PATJ: variants seen among roughly 807,000 people sequenced by gnomAD.
PATJ encodes the protein inaD-like protein.
Under a neutral mutation model 224.9 loss-of-function variants are expected in PATJ, and 190 were observed. The observed-to-expected ratio is 0.84, with a 90% CI of 0.75 to 0.95. The LOEUF (loss-of-function observed/expected upper bound fraction) is 0.95. Ranked by LOEUF, PATJ falls within the 40% of genes least tolerant of loss-of-function variation. The pLI is 0.00. For synonymous variants in PATJ, 769 were observed against 820.3 expected (o/e 0.94, Z 1.07); for missense variants, 2,121 against 2,270.3 (o/e 0.93, Z 1.34).
chr1:61,746,200 C>T (rs1332269204), intron 1 of PATJ, among the ~76,000 whole-genome samples: 1 of 152,136 alleles, frequency 6.6e-6, no homozygotes, highest in Non-Finnish European at 1.5e-5. Flanking sequence ...ACTTGGCCTC[C>T]CAAAGTGCCA....
chr1:62,062,242 C>T lies in PATJ; in HGVS notation c.4125+11184C>T, dbSNP rs1423180975. ...TATAAGAGTTCTTTTGTCTCCATAG[C>T]CTCACTAACATCTGTTTTTTTTTAT... is the stretch of plus-strand genomic sequence containing the variant. On this transcript the variant is annotated intron_variant, in intron 31 of 43. Coordinates refer to ENST00000642238, the MANE Select transcript of PATJ (RefSeq NM_001350145.3). Among the ~76,000 whole-genome samples, 5 of 151,574 alleles carry T rather than the reference C, an allele frequency of 3.3e-5. No homozygotes were observed. The East Asian group carries it at 9.6e-4, about 29-fold the overall frequency.
intron 31 of PATJ, among the ~76,000 whole-genome samples, chr1:62,065,201 A>G (rs1251798383): frequency 1.3e-5 from 2 of 152,140 alleles, no homozygotes; most frequent in Non-Finnish European, 1.5e-5. Context: ...TTTTTCTTCT[A>G]TTCTCTTCCT....
chr1:61,954,891 C>G lies in PATJ; in HGVS notation c.3670+27062C>G, dbSNP rs1571487135. 2.6e-5 allele frequency among the ~76,000 whole-genome samples: 4 copies of G among 151,914 alleles called. No homozygotes were observed. The Middle Eastern group carries it at 0.014, about 517-fold the overall frequency. On this transcript the variant is annotated intron_variant, in intron 27 of 43. Coordinates refer to ENST00000642238, the MANE Select transcript of PATJ (RefSeq NM_001350145.3). ...GCCTCAGCCTTCTGAGTAGCTGGGACTACAGGTGCCTGCCACCACGCCCGG... is the reference window on the plus strand; with the variant it reads ...GCCTCAGCCTTCTGAGTAGCTGGGAGTACAGGTGCCTGCCACCACGCCCGG...
At position 61,889,508 on chromosome 1, in the gene PATJ, T is replaced by A. The variant is rs535412281; in HGVS notation, c.3131+5100T>A. ...ACCACAGACAGTACCAAGCCCTATA[T>A]ATACTGTCTTTTCTGTACGTACATA... On this transcript the variant is annotated intron_variant, in intron 22 of 43. Coordinates refer to ENST00000642238, the MANE Select transcript of PATJ (RefSeq NM_001350145.3). Among the ~76,000 whole-genome samples the A allele has an allele frequency of 2.6e-5, 4 of 152,340 alleles. No homozygotes were observed. The South Asian group carries it at 6.2e-4, about 24-fold the overall frequency.
chr1:61,753,829 G>A (rs535666125), intron 1 of PATJ, among the ~76,000 whole-genome samples: 80 of 150,856 alleles, frequency 5.3e-4, no homozygotes, highest in Admixed American at 1.4e-3. Context: ...TATTTATTAA[G>A]TTTTTATCTT....
At chr1:61,755,151 CAAA>C in intron 1 of PATJ, among the ~76,000 whole-genome samples, 1 of 150,934 alleles carries the variant, frequency 6.6e-6, no homozygotes, top group East Asian at 2.0e-4. Flanking sequence ...ACTAAAAATA[CAAA>C]AAAAATTAGC....
rs529966008 is a variant in PATJ, at chr1:61,978,557, G to T, written c.3671-11611G>T. Among the ~76,000 whole-genome samples the T allele has an allele frequency of 1.3e-4, 20 of 152,114 alleles. No homozygotes were observed. In the East Asian group the frequency reaches 3.7e-3, roughly 28 times the overall value. ...TGGGATTACAGGCATGAGCCACTGCGCCCAGCCTGTGCTGTTTCTTCTGAT... is the reference window on the plus strand; with the variant it reads ...TGGGATTACAGGCATGAGCCACTGCTCCCAGCCTGTGCTGTTTCTTCTGAT... On this transcript the variant is annotated intron_variant, in intron 27 of 43. Transcript: ENST00000642238.
intron 20 of PATJ, among the ~76,000 whole-genome samples, chr1:61,869,843 TCAGGTGAGCGGGTG>T (rs1165135937): frequency 1.3e-5 from 2 of 152,194 alleles, no homozygotes; most frequent in Non-Finnish European, 2.9e-5. Context: ...AGGGGAGCAC[TCAGGTGAGCGGGTG>T]CAGGAGCCTG....
At chr1:62,037,587 A>G (rs1301725948) in intron 29 of PATJ, among the ~76,000 whole-genome samples, 1 of 152,208 alleles carries the variant, frequency 6.6e-6, no homozygotes, top group Non-Finnish European at 1.5e-5. Context: ...TTCAAAGAAC[A>G]AAACGCCCCA....
chr1:61,986,993 T>A (rs916649145), intron 27 of PATJ, among the ~76,000 whole-genome samples: 4 of 152,064 alleles, frequency 2.6e-5, no homozygotes, highest in African/African-American at 9.7e-5. Flanking sequence ...TTCAAAATTA[T>A]AAAATTGCCT....
chr1:61,906,654 T>C (rs1310589676), intron 24 of PATJ, among the ~76,000 whole-genome samples: 1 of 152,174 alleles, frequency 6.6e-6, no homozygotes, highest in East Asian at 1.9e-4. Flanking sequence ...CTTCCTTGCA[T>C]GTGCTTCCTA....
chr1:62,002,626 T>A (rs1645843275), intron 28 of PATJ, among the ~76,000 whole-genome samples: 1 of 150,952 alleles, frequency 6.6e-6, no homozygotes, highest in African/African-American at 2.4e-5. Flanking sequence ...GGAGAATCAC[T>A]TGAACCCGGG....
At position 62,023,352 on chromosome 1, in the gene PATJ, G is replaced by GA. The variant is rs1428339657; in HGVS notation, c.3959+5411dup. On this transcript the variant is annotated intron_variant, in intron 29 of 43. Coordinates refer to ENST00000642238, the MANE Select transcript of PATJ (RefSeq NM_001350145.3). The stretch of plus-strand genomic sequence containing the variant: ...CATTAGATCTAGTTTTGGTAAACAG[G>GA]AAAAAAGAATGCATGCATAAGCATG... Among the ~76,000 whole-genome samples, 3 of 151,688 alleles carry GA rather than the reference G, an allele frequency of 2.0e-5. No individual in the cohort carries two copies. In the East Asian group the frequency reaches 5.8e-4, roughly 29 times the overall value.
chr1:61,916,793 C>T (rs971413881), intron 26 of PATJ, among the ~76,000 whole-genome samples: 5 of 152,082 alleles, frequency 3.3e-5, no homozygotes, highest in African/African-American at 9.7e-5. Context: ...AGTCTTCTTT[C>T]AAAGATAGTT....
chr1:61,797,165 C>A, intron 10 of PATJ, 122 bp from the exon 11 acceptor site: 1 of 1,149,532 alleles, frequency 8.7e-7, no homozygotes, highest in Non-Finnish European at 1.3e-6. Context: ...TGAGCCACCA[C>A]ACCCGGCCTA....
intron 24 of PATJ, among the ~76,000 whole-genome samples, chr1:61,904,009 G>A (rs1276366606): frequency 6.6e-6 from 1 of 151,984 alleles, no homozygotes; most frequent in African/African-American, 2.4e-5. Context: ...CCTAACCTCA[G>A]GTGATCCGCC....
chr1:62,060,524 T>C (rs763452872), intron 31 of PATJ, among the ~76,000 whole-genome samples: 1 of 151,794 alleles, frequency 6.6e-6, no homozygotes, highest in Non-Finnish European at 1.5e-5. Flanking sequence ...CACAGTACCA[T>C]ACTTGGCTAA....
In PATJ at chr1:61,901,466, G is replaced by T; in HGVS notation, c.3381+7G>T. The stretch of plus-strand genomic sequence containing the variant: ...TGGAGATAAAATACTTGAGGTAAAT[G>T]ATGTTAAAGTACTGTTTTTATTGGA... On this transcript the variant is annotated splice_region_variant and intron_variant, in intron 24 of 43. Transcript: ENST00000642238. 2 of 1,557,602 alleles carry T rather than the reference G, an allele frequency of 1.3e-6. No homozygotes were observed. Among genetic ancestry groups the T allele is most frequent in the South Asian group, 1.2e-5 (1 of 83,172 alleles).
intron 8 of PATJ, among the ~76,000 whole-genome samples, chr1:61,790,914 G>A (rs12045055): frequency 0.44 from 67,106 of 151,990 alleles, 15,801 homozygotes; most frequent in South Asian, 0.62. Flanking sequence ...CATTCAGATT[G>A]TTGGCAGATT....
Sources: gnomAD v4.1 joint callset for allele counts (sites outside exome capture counted in the v4.1 genomes callset) on GRCh38, gnomAD v4.1.1 for gene constraint, MANE v1.5 for transcripts, NCBI Gene and HGNC (gene_info 2026-07-23, HGNC 2026-07-21) for gene names.